ECM2: variants seen among roughly 807,000 people sequenced by gnomAD.
ECM2 encodes the protein extracellular matrix protein 2, female organ and adipocyte specific.
Under a neutral mutation model 67.5 loss-of-function variants are expected in ECM2, and 57 were observed. The observed-to-expected ratio is 0.84, with a 90% CI of 0.68 to 1.05. The LOEUF is 1.05. ECM2 is among the 50% of genes least tolerant of loss of function. The pLI is 0.00. For missense variants in ECM2, 741 were observed against 822.8 expected, an observed-to-expected ratio of 0.90 and a Z score of 1.22; for synonymous variants, 258 against 294.5, an observed-to-expected ratio of 0.88 and a Z score of 1.27.
chr9:92,525,705 A>G (rs1588231656), intron 1 of ECM2, among the ~76,000 whole-genome samples: 1 of 152,062 alleles, frequency 6.6e-6, no homozygotes, highest in Non-Finnish European at 1.5e-5. Flanking sequence ...AGCCTGCCCA[A>G]CATGGTGAAA....
Position 92,522,835 on chromosome 9 carries a change from A to C in ECM2, c.32T>G (p.Leu11Arg), listed in dbSNP as rs1179361181. ...AAAGTCAGTTTGAAAAATGATAAGCAGAAAAAAACAAAACAAAACTGCAAT... is the reference window on the plus strand; with the variant it reads ...AAAGTCAGTTTGAAAAATGATAAGCCGAAAAAAACAAAACAAAACTGCAAT... MKIAVLFCFF[L>R]LIIFQTDFGK... The change falls in exon 2 of 10, where the codon CTG becomes CGG. Residue 11 changes from leucine to arginine, a missense_variant. Coordinates refer to ENST00000344604, the MANE Select transcript of ECM2 (RefSeq NM_001393.4). 1 of 1,608,640 alleles carries C rather than the reference A, an allele frequency of 6.2e-7. No individual in the cohort carries two copies. The highest frequency in any genetic ancestry group is 1.3e-5 in the African/African-American group (1 of 74,710).
In ECM2 at chr9:92,512,972, C is replaced by G. The variant is rs111788386; in HGVS notation, c.1055-846G>C. Reference sequence around the variant, plus strand: ...TGATCATATGAAAGTAGGATGAAATCCTTTGTCAGAGAGGCCATGGAAGCT... The same window carrying G: ...TGATCATATGAAAGTAGGATGAAATGCTTTGTCAGAGAGGCCATGGAAGCT... On this transcript the variant is annotated intron_variant, in intron 4 of 9. Coordinates refer to ENST00000344604, the MANE Select transcript of ECM2 (RefSeq NM_001393.4). 3.0e-4 allele frequency among the ~76,000 whole-genome samples: 46 copies of G among 152,228 alleles called. 1 individual carries two copies. Among genetic ancestry groups the G allele is most frequent in the African/African-American group, 1.1e-3 (45 of 41,536 alleles).
chr9:92,536,411 G>A (rs935796481), upstream of ECM2, among the ~76,000 whole-genome samples: 5 of 152,028 alleles, frequency 3.3e-5, no homozygotes, highest in East Asian at 1.9e-4. Context: ...GTGTATATCT[G>A]GAATCTATTT....
chr9:92,526,596 A>G (rs1848425485), intron 1 of ECM2, among the ~76,000 whole-genome samples: 1 of 151,984 alleles, frequency 6.6e-6, no homozygotes, highest in African/African-American at 2.4e-5. Flanking sequence ...TAGAAACCAA[A>G]AAAACTATAG....
chr9:92,536,855 G>T (rs7872610), upstream of ECM2, among the ~76,000 whole-genome samples: 2 of 150,432 alleles, frequency 1.3e-5, no homozygotes, highest in Non-Finnish European at 3.0e-5. Flanking sequence ...GGTAATTTTA[G>T]AACTATTTTT....
At chr9:92,532,039 T>TTTTTTTTTTTTTTTTA (rs1848826400) in intron 1 of ECM2, among the ~76,000 whole-genome samples, 1 of 141,098 alleles carries the variant, frequency 7.1e-6, no homozygotes, top group African/African-American at 2.8e-5. Context: ...ATTTTATTTT[T>TTTTTTTTTTTTTTTTA]TTTTTGAGAT....
intron 2 of ECM2, among the ~76,000 whole-genome samples, chr9:92,518,683 G>A (rs1310662184): frequency 6.6e-6 from 1 of 152,114 alleles, no homozygotes; most frequent in Admixed American, 6.6e-5. Context: ...GAGACCAAGA[G>A]TTTGAGACCA....
In ECM2 at chr9:92,515,215, G is replaced by A. The variant is rs754568238; in HGVS notation, c.482-12C>T. 13 of 1,536,278 alleles carry A rather than the reference G, an allele frequency of 8.5e-6. No individual in the cohort carries two copies. Among genetic ancestry groups the A allele is most frequent in the African/African-American group, 8.3e-5 (6 of 72,010 alleles). On this transcript the variant is annotated splice_polypyrimidine_tract_variant and intron_variant, in intron 3 of 9. Transcript: ENST00000344604. ...TAGAGAATAGGAGACTAATGACCAC[G>A]CAAGGATGAGGTAGCAGAGATAAGT...
At chr9:92,522,491 C>T in intron 2 of ECM2, 84 bp downstream of exon 2, 9 of 1,266,802 alleles carry the variant, frequency 7.1e-6, no homozygotes, top group South Asian at 3.9e-5. Flanking sequence ...GATGTTCTCC[C>T]TCTCTCCCTC....
intron 6 of ECM2, 125 bp downstream of exon 6, chr9:92,509,774 A>T: frequency 1.9e-6 from 2 of 1,051,150 alleles, no homozygotes; most frequent in Non-Finnish European, 2.6e-6. Context: ...TATCAACTCA[A>T]ATGGTTAAGT....
At chr9:92,519,752 T>G (rs945970166) in intron 2 of ECM2, among the ~76,000 whole-genome samples, 14 of 152,202 alleles carry the variant, frequency 9.2e-5, no homozygotes, top group African/African-American at 3.1e-4. Context: ...GGGAAAATCT[T>G]TATGACCTCA....
At chr9:92,539,074 A>C (rs1849254201), upstream of ECM2, 1 of 152,208 alleles carries the variant, frequency 6.6e-6, no homozygotes, top group African/African-American at 2.4e-5. Context: ...CAGCCCGAAT[A>C]AGGAGGCTTA....
rs372699831 is a variant in ECM2, at chr9:92,514,638, C to G, written c.1047G>C (p.Glu349Asp). Residue 349 changes from glutamate (E) to aspartate (D), a missense_variant, in exon 4 of 10, where the codon GAG becomes GAC. Transcript: ENST00000344604. ...PLTAPQITSL[E>D]LTGNSIASIP... ...GAAGTCAACATCTCTTACCAGTGAG[C>G]TCCAGACTTGTTATCTGTGGTGCTG... 1.9e-5 allele frequency: 30 copies of G among 1,578,940 alleles called. No individual in the cohort carries two copies. The African/African-American group carries it at 3.2e-4, about 17-fold the overall frequency.
intron 1 of ECM2, among the ~76,000 whole-genome samples, chr9:92,534,916 C>T (rs965589324): frequency 2.6e-5 from 4 of 152,152 alleles, no homozygotes; most frequent in Non-Finnish European, 5.9e-5. Flanking sequence ...GACCTCGAGG[C>T]TCTAGAGTTA....
intron 5 of ECM2, 30 bp downstream of exon 5, chr9:92,511,981 C>T (rs1319498163): frequency 6.5e-7 from 1 of 1,531,806 alleles, no homozygotes; most frequent in South Asian, 1.2e-5. Context: ...AGCCATTCAT[C>T]CAAATAGACA....
chr9:92,506,968 C>T (rs536628922), intron 6 of ECM2, among the ~76,000 whole-genome samples: 19 of 151,992 alleles, frequency 1.3e-4, no homozygotes, highest in African/African-American at 3.6e-4. Flanking sequence ...AGTGCAATAG[C>T]GTGGTCTTGG....
At chr9:92,517,321 T>C (rs1303061619) in intron 3 of ECM2, 1 of 322,990 alleles carries the variant, frequency 3.1e-6, no homozygotes, top group African/African-American at 2.2e-5. Flanking sequence ...AAAGGCACGT[T>C]GCACTGGATT....
At chr9:92,511,421 G>T (rs1301189071) in intron 5 of ECM2, among the ~76,000 whole-genome samples, 1 of 136,924 alleles carries the variant, frequency 7.3e-6, no homozygotes, top group Non-Finnish European at 1.5e-5. Context: ...CACTGTGCCT[G>T]GCCTGTTTTT....
upstream of ECM2, among the ~76,000 whole-genome samples, chr9:92,537,280 G>T (rs1489195935): frequency 6.6e-6 from 1 of 152,132 alleles, no homozygotes; most frequent in Non-Finnish European, 1.5e-5. Flanking sequence ...TTTGTAAAAT[G>T]ACCTAGATAG....
Sources: gnomAD v4.1 joint callset for allele counts (sites outside exome capture counted in the v4.1 genomes callset) on GRCh38, gnomAD v4.1.1 for gene constraint, MANE v1.5 for transcripts, NCBI Gene and HGNC (gene_info 2026-07-23, HGNC 2026-07-21) for gene names.